STRBP: variants seen among roughly 807,000 people sequenced by gnomAD.
STRBP encodes the protein spermatid perinuclear RNA binding protein.
In STRBP, 13 loss-of-function variants were observed where a neutral mutation model predicts 80.1. The ratio of observed to expected loss-of-function variants is 0.16; its 90% CI spans 0.11 to 0.26. The LOEUF (loss-of-function observed/expected upper bound fraction) is 0.26, where lower values mean the gene tolerates loss of function less well. STRBP is among the 10% of genes least tolerant of loss of function. The probability of loss-of-function intolerance (pLI) is 1.00; values close to 1 mark genes in which losing one functional copy is unlikely to be tolerated. For synonymous variants in STRBP, 284 were observed against 291.2 expected (o/e 0.98, Z 0.25); for missense variants, 485 against 815.2 (o/e 0.59, Z 4.93).
chr9:123,134,287 C>T (rs2036264420), intron 16 of STRBP, among the ~76,000 whole-genome samples: 1 of 152,204 alleles, frequency 6.6e-6, no homozygotes, highest in Non-Finnish European at 1.5e-5. Flanking sequence ...ATAAAGTCAA[C>T]AGTGTCTAAG....
chr9:123,219,908 G>A (rs1285203498), intron 2 of STRBP, among the ~76,000 whole-genome samples: 2 of 152,072 alleles, frequency 1.3e-5, no homozygotes, highest in African/African-American at 4.8e-5. Context: ...GAGCTTCCCC[G>A]TGCTTAAAGA....
At chr9:123,200,267 C>G (rs2039266128) in intron 2 of STRBP, among the ~76,000 whole-genome samples, 2 of 152,160 alleles carry the variant, frequency 1.3e-5, no homozygotes, top group South Asian at 4.2e-4. Flanking sequence ...CCATGAAACC[C>G]ACTTGATCAT....
intron 16 of STRBP, among the ~76,000 whole-genome samples, chr9:123,134,913 G>A (rs1477000258): frequency 3.3e-5 from 5 of 152,222 alleles, no homozygotes; most frequent in South Asian, 2.1e-4. Flanking sequence ...TTCGACATGC[G>A]TAATTTAAAG....
chr9:123,225,918 T>G (rs2040220952), intron 2 of STRBP, among the ~76,000 whole-genome samples: 1 of 152,208 alleles, frequency 6.6e-6, no homozygotes, highest in Non-Finnish European at 1.5e-5. Flanking sequence ...AAAGTTAAAT[T>G]CACTTATCAT....
At chr9:123,232,070 G>C (rs191175569) in intron 2 of STRBP, among the ~76,000 whole-genome samples, 39 of 152,290 alleles carry the variant, frequency 2.6e-4, no homozygotes, top group Admixed American at 2.4e-3. Context: ...ACAGCACTTT[G>C]GGAGGCTGAG....
chr9:123,134,138 A>T (rs2036256719), intron 16 of STRBP, among the ~76,000 whole-genome samples: 1 of 152,218 alleles, frequency 6.6e-6, no homozygotes, highest in African/African-American at 2.4e-5. Context: ...AAATTTTAAG[A>T]AAATCAAAAG....
chr9:123,154,848 C>T (rs2037212002), intron 11 of STRBP, among the ~76,000 whole-genome samples: 1 of 152,124 alleles, frequency 6.6e-6, no homozygotes, highest in South Asian at 2.1e-4. Context: ...CAAAGTGCTG[C>T]TTATAAAGAG....
At chr9:123,119,853 C>T (rs1460765818), downstream of STRBP, among the ~76,000 whole-genome samples, 5 of 152,196 alleles carry the variant, frequency 3.3e-5, no homozygotes, top group Non-Finnish European at 7.3e-5. Context: ...CCCAGATTCC[C>T]GCATGGTTTC....
intron 1 of STRBP, among the ~76,000 whole-genome samples, chr9:123,251,125 C>G (rs1002259588): frequency 1.3e-5 from 2 of 152,142 alleles, no homozygotes; most frequent in African/African-American, 2.4e-5. Flanking sequence ...GAGAGAACCT[C>G]TCTGTCTGTC....
chr9:123,184,863 CCT>C, intron 2 of STRBP, among the ~76,000 whole-genome samples: 1 of 152,148 alleles, frequency 6.6e-6, no homozygotes, highest in Non-Finnish European at 1.5e-5. Flanking sequence ...TGTCCCTGGG[CCT>C]GTATGCACTG....
chr9:123,200,363 T>A (rs1588088920), intron 2 of STRBP, among the ~76,000 whole-genome samples: 1 of 152,192 alleles, frequency 6.6e-6, no homozygotes, highest in Non-Finnish European at 1.5e-5. Context: ...TCACAAAAAT[T>A]GCTCTGCAGT....
chr9:123,223,938 G>C (rs2040155351), intron 2 of STRBP, among the ~76,000 whole-genome samples: 1 of 152,116 alleles, frequency 6.6e-6, no homozygotes, highest in South Asian at 2.1e-4. Context: ...TGCTAGAGTA[G>C]AGCAACAAAG....
intron 2 of STRBP, among the ~76,000 whole-genome samples, chr9:123,234,331 A>T (rs2040487972): frequency 6.6e-6 from 1 of 152,028 alleles, no homozygotes; most frequent in Admixed American, 6.5e-5. Flanking sequence ...GACTATTCAG[A>T]AGACAAAAAA....
chr9:123,180,929 A>G (rs576493954), intron 3 of STRBP: 2 of 985,004 alleles, frequency 2.0e-6, no homozygotes, highest in East Asian at 2.3e-4. Flanking sequence ...AAACTAAAAC[A>G]TTCTCAATTT....
intron 16 of STRBP, among the ~76,000 whole-genome samples, chr9:123,133,978 C>G (rs143733179): frequency 1.3e-5 from 2 of 151,652 alleles, no homozygotes; most frequent in Non-Finnish European, 2.9e-5. Flanking sequence ...AAACAGTAAC[C>G]GAGAATTATA....
intron 13 of STRBP, among the ~76,000 whole-genome samples, chr9:123,141,337 G>A (rs1163429924): frequency 1.3e-5 from 2 of 152,172 alleles, no homozygotes; most frequent in Non-Finnish European, 2.9e-5. Context: ...ATTTGCTTGG[G>A]AGTAAAGCCA....
chr9:123,214,088 C>T (rs913225399), intron 2 of STRBP, among the ~76,000 whole-genome samples: 6 of 150,644 alleles, frequency 4.0e-5, no homozygotes, highest in African/African-American at 1.5e-4. Flanking sequence ...GTGTACCAGC[C>T]CAAATGCCCA....
intron 6 of STRBP, among the ~76,000 whole-genome samples, chr9:123,166,662 G>A (rs1012136096): frequency 2.0e-5 from 3 of 152,176 alleles, no homozygotes; most frequent in Middle Eastern, 3.4e-3. Context: ...GCTGAGGCAC[G>A]AGAATTGCTT....
At chr9:123,111,303 AAAGAGGCTGGAAACCT>A (rs1449200593) in intron 3 of STRBP, 1 of 251,390 alleles carries the variant, frequency 4.0e-6, no homozygotes, top group African/African-American at 2.4e-5. Context: ...AGAACAGAGG[AAAGAGGCTGGAAACCT>A]AAGACACGAC....
Sources: gnomAD v4.1 joint callset for allele counts (sites outside exome capture counted in the v4.1 genomes callset) on GRCh38, gnomAD v4.1.1 for gene constraint, MANE v1.5 for transcripts, NCBI Gene and HGNC (gene_info 2026-07-23, HGNC 2026-07-21) for gene names.